SLIT2: variants seen among roughly 807,000 people sequenced by gnomAD.
SLIT2 encodes slit homolog 2 protein.
SLIT2 carries 41 observed loss-of-function variants against 185.7 expected under a neutral mutation model. That is an observed-to-expected ratio of 0.22 (90% CI 0.17 to 0.29). The LOEUF is 0.29. Ranked by LOEUF, SLIT2 falls within the 10% of genes least tolerant of loss-of-function variation. SLIT2 has a pLI of 1.00. For missense variants in SLIT2, 1,571 were observed against 1,909.0 expected (o/e 0.82, Z 3.30); for synonymous variants, 693 against 680.2 (o/e 1.02, Z -0.29).
At chr4:20,316,283 GT>G (rs1046616187) in intron 4 of SLIT2, among the ~76,000 whole-genome samples, 2 of 151,786 alleles carry the variant, frequency 1.3e-5, no homozygotes, top group African/African-American at 4.8e-5. Context: ...CTAGATTAAG[GT>G]TTTTTTACAT....
intron 12 of SLIT2, among the ~76,000 whole-genome samples, chr4:20,521,651 T>C (rs1720850220): frequency 6.6e-6 from 1 of 152,164 alleles, no homozygotes; most frequent in Admixed American, 6.5e-5. Flanking sequence ...AATCAGCCCC[T>C]GTCACCCACC....
In SLIT2 at chr4:20,264,131, G is replaced by A. The variant is rs1006156035; in HGVS notation, c.324-4679G>A. On this transcript the variant is annotated intron_variant, in intron 3 of 36. Coordinates refer to ENST00000504154, the MANE Select transcript of SLIT2 (RefSeq NM_004787.4). ...TTGACATCCCTAGCAAGGAATACAAGGGATTAAGTTATCATTGATATCACT... is the reference window on the plus strand; with the variant it reads ...TTGACATCCCTAGCAAGGAATACAAAGGATTAAGTTATCATTGATATCACT... Among the ~76,000 whole-genome samples the A allele has an allele frequency of 8.6e-5, 13 of 151,870 alleles. No homozygotes were observed. In the East Asian group the frequency reaches 1.9e-3, roughly 23 times the overall value.
chr4:20,381,384 C>G (rs1724498599), intron 4 of SLIT2, among the ~76,000 whole-genome samples: 2 of 152,050 alleles, frequency 1.3e-5, no homozygotes, highest in South Asian at 4.1e-4. Flanking sequence ...TTGTCAGAAA[C>G]TACACAAGCC....
intron 9 of SLIT2, among the ~76,000 whole-genome samples, chr4:20,496,464 A>T (rs1718237694): frequency 6.6e-6 from 1 of 152,202 alleles, no homozygotes; most frequent in African/African-American, 2.4e-5. Flanking sequence ...ATGAAATTAA[A>T]TAAAATAGTA....
chr4:20,459,041 CATATT>C (rs2148726242), intron 4 of SLIT2, among the ~76,000 whole-genome samples: 2 of 151,722 alleles, frequency 1.3e-5, no homozygotes, highest in South Asian at 4.2e-4. Context: ...AGGATCAAGA[CATATT>C]AGAGATTATA....
chr4:20,341,014 C>G (rs1720921552), intron 4 of SLIT2, among the ~76,000 whole-genome samples: 1 of 152,062 alleles, frequency 6.6e-6, no homozygotes, highest in African/African-American at 2.4e-5. Context: ...GCTAGATAAG[C>G]CTTACTAAGA....
intron 11 of SLIT2, among the ~76,000 whole-genome samples, chr4:20,518,255 A>ATTT (rs1260071971): frequency 6.9e-5 from 6 of 87,516 alleles, no homozygotes; most frequent in African/African-American, 2.0e-4. Context: ...ATATATATAT[A>ATTT]TTTTTTTTTT....
chr4:20,446,422 G>GA (rs1711802600), intron 4 of SLIT2, among the ~76,000 whole-genome samples: 1 of 152,152 alleles, frequency 6.6e-6, no homozygotes, highest in Admixed American at 6.6e-5. Context: ...AGATGATGTA[G>GA]AAAAAAGAGA....
chr4:20,527,003 A>G (rs1721353792), intron 15 of SLIT2, among the ~76,000 whole-genome samples: 1 of 152,246 alleles, frequency 6.6e-6, no homozygotes, highest in African/African-American at 2.4e-5. Context: ...CTCAGTAAAT[A>G]TCATGGCATT....
intron 4 of SLIT2, among the ~76,000 whole-genome samples, chr4:20,414,328 C>A (rs1727489800): frequency 1.3e-5 from 2 of 152,092 alleles, no homozygotes; most frequent in Non-Finnish European, 2.9e-5. Flanking sequence ...CCTTACCCAT[C>A]CTAGGTCTAA....
At chr4:20,453,105 C>T (rs2148716868) in intron 4 of SLIT2, among the ~76,000 whole-genome samples, 1 of 152,234 alleles carries the variant, frequency 6.6e-6, no homozygotes, top group Admixed American at 6.5e-5. Flanking sequence ...TTAAGATTGC[C>T]TTTCAAAAAT....
intron 18 of SLIT2, among the ~76,000 whole-genome samples, chr4:20,534,536 A>G (rs1487989637): frequency 6.6e-6 from 1 of 152,238 alleles, no homozygotes; most frequent in Non-Finnish European, 1.5e-5. Flanking sequence ...TAAAAAGTAT[A>G]TAATTATGTT....
At chr4:20,498,612 A>G (rs1464869576) in intron 9 of SLIT2, among the ~76,000 whole-genome samples, 2 of 152,216 alleles carry the variant, frequency 1.3e-5, no homozygotes, top group African/African-American at 4.8e-5. Flanking sequence ...TTCATAAATC[A>G]TGGAGAATAT....
intron 11 of SLIT2, among the ~76,000 whole-genome samples, chr4:20,518,135 ATATATT>A (rs1247927206): frequency 1.4e-5 from 2 of 140,842 alleles, no homozygotes; most frequent in African/African-American, 2.8e-5. Flanking sequence ...ATACATATAC[ATATATT>A]TATATATATA....
chr4:20,519,345 G>C lies in SLIT2; in HGVS notation c.1059-37G>C, dbSNP rs756466174. ...TTAGATGAATTTGTTATGCAGGTTT[G>C]GTGTCTAATTTTTTTCATTTAAAAT... On this transcript the variant is annotated intron_variant, in intron 11 of 36. Transcript: ENST00000504154. The C allele has an allele frequency of 1.1e-5, 11 of 1,001,280 alleles. No homozygotes were observed. In the South Asian group the frequency reaches 1.4e-4, roughly 13 times the overall value. 62.0% of individuals were successfully genotyped at this position (1,001,280 alleles called of 1,614,324 possible).
chr4:20,273,585 T>G (rs560484200), intron 4 of SLIT2, among the ~76,000 whole-genome samples: 1 of 152,266 alleles, frequency 6.6e-6, no homozygotes, highest in South Asian at 2.1e-4. Flanking sequence ...ACTTGGTCAA[T>G]TAAATGTTTG....
At chr4:20,568,098 A>T (rs555597504) in intron 28 of SLIT2, among the ~76,000 whole-genome samples, 344 of 152,250 alleles carry the variant, frequency 2.3e-3, no homozygotes, top group Non-Finnish European at 3.6e-3. Context: ...ATCTGGAGTT[A>T]TTTAATCATA....
intron 4 of SLIT2, among the ~76,000 whole-genome samples, chr4:20,415,182 C>T (rs926922156): frequency 3.9e-5 from 6 of 152,044 alleles, no homozygotes; most frequent in East Asian, 1.9e-4. Flanking sequence ...GAGGCCGAGG[C>T]GGGCGGATCA....
chr4:20,620,467 T>G lies in SLIT2; in HGVS notation c.*1458T>G, dbSNP rs1729996764. 1 of 451,844 alleles carries G rather than the reference T, an allele frequency of 2.2e-6. No individual in the cohort carries two copies. Among genetic ancestry groups the G allele is most frequent in the Non-Finnish European group, 4.4e-6 (1 of 225,822 alleles). The allele number at this position is 451,844 out of a possible 1,614,324, so 28.0% of individuals were successfully genotyped here. On this transcript the variant is annotated 3_prime_UTR_variant, in exon 37 of 37. Coordinates refer to ENST00000504154, the MANE Select transcript of SLIT2 (RefSeq NM_004787.4). ...TTCTTTTTTTACAAAGAAAATTAGATGTACATGTATAATTCAGTGTGCTTT... is the reference window on the plus strand; with the variant it reads ...TTCTTTTTTTACAAAGAAAATTAGAGGTACATGTATAATTCAGTGTGCTTT...
Sources: allele counts gnomAD v4.1 joint callset (sites outside exome capture counted in the v4.1 genomes callset), GRCh38; gene constraint gnomAD v4.1.1; transcripts MANE v1.5; gene names NCBI Gene and HGNC (gene_info 2026-07-23, HGNC 2026-07-21).